Variants in BRINP3 observed in about 807,000 individuals in gnomAD.
The protein encoded by BRINP3 is BMP/retinoic acid inducible neural specific 3, also known as BMP/retinoic acid-inducible neural-specific protein 3.
A neutral mutation model predicts 71.0 loss-of-function variants in BRINP3; 19 were observed. The observed-to-expected ratio is 0.27, with a 90% CI of 0.19 to 0.39. BRINP3 has a LOEUF of 0.39. Ranked by LOEUF, BRINP3 falls within the 10% of genes least tolerant of loss-of-function variation. The pLI is 1.00. For synonymous variants in BRINP3, 380 were observed against 337.7 expected, an observed-to-expected ratio of 1.13 and a Z score of -1.37; for missense variants, 959 against 940.8, an observed-to-expected ratio of 1.02 and a Z score of -0.25.
chr1:190,298,897 G>A (rs1664456409), intron 2 of BRINP3, among the ~76,000 whole-genome samples: 1 of 152,066 alleles, frequency 6.6e-6, no homozygotes, highest in South Asian at 2.1e-4. Context: ...TGACGACAGA[G>A]GTGTTGAAAT....
At chr1:190,469,105 TA>T (rs1328794763) in intron 1 of BRINP3, among the ~76,000 whole-genome samples, 1 of 151,094 alleles carries the variant, frequency 6.6e-6, no homozygotes, top group African/African-American at 2.4e-5. Flanking sequence ...ACAAGTTGTT[TA>T]AAAAACTCTC....
At chr1:190,111,051 G>A (rs1313560703) in intron 7 of BRINP3, among the ~76,000 whole-genome samples, 1 of 151,592 alleles carries the variant, frequency 6.6e-6, no homozygotes. Context: ...GGTGTTGGGC[G>A]CCTGTAATCC....
intron 5 of BRINP3, 48 bp downstream of exon 5, chr1:190,234,324 A>G: frequency 1.4e-6 from 2 of 1,383,906 alleles, no homozygotes; most frequent in Non-Finnish European, 2.0e-6. Flanking sequence ...ACGACTGGAT[A>G]ATTGCTATTC....
intron 2 of BRINP3, among the ~76,000 whole-genome samples, chr1:190,348,701 G>C (rs761941569): frequency 1.1e-4 from 17 of 152,090 alleles, no homozygotes; most frequent in Non-Finnish European, 2.2e-4. Flanking sequence ...CACTGCACAG[G>C]TGTACTATTA....
At chr1:190,213,006 G>A (rs1195967190) in intron 6 of BRINP3, among the ~76,000 whole-genome samples, 2 of 152,002 alleles carry the variant, frequency 1.3e-5, no homozygotes, top group African/African-American at 4.8e-5. Flanking sequence ...AAACCCTACA[G>A]TTGTGGCATG....
chr1:190,447,982 C>A (rs1205289494), intron 2 of BRINP3, among the ~76,000 whole-genome samples: 1 of 151,540 alleles, frequency 6.6e-6, no homozygotes, highest in Non-Finnish European at 1.5e-5. Context: ...TACTTGTAGG[C>A]TTTTTAGTAT....
At chr1:190,398,126 G>A (rs568962032) in intron 2 of BRINP3, among the ~76,000 whole-genome samples, 44 of 151,952 alleles carry the variant, frequency 2.9e-4, no homozygotes, top group African/African-American at 1.0e-3. Context: ...TTTACTTTGT[G>A]ATTCATTATA....
chr1:190,353,887 TTC>T (rs1668562726), intron 2 of BRINP3, among the ~76,000 whole-genome samples: 1 of 152,024 alleles, frequency 6.6e-6, no homozygotes, highest in South Asian at 2.1e-4. Context: ...TCACCTTGCC[TTC>T]TCTGTTTTAT....
At chr1:190,124,117 A>G (rs542673928) in intron 7 of BRINP3, among the ~76,000 whole-genome samples, 1 of 152,322 alleles carries the variant, frequency 6.6e-6, no homozygotes, top group East Asian at 1.9e-4. Context: ...TTGGGAGATG[A>G]GATGATTAGA....
intron 2 of BRINP3, among the ~76,000 whole-genome samples, chr1:190,363,367 C>T (rs1244833239): frequency 3.9e-5 from 6 of 152,208 alleles, no homozygotes; most frequent in South Asian, 2.1e-4. Flanking sequence ...ACTCCTGACA[C>T]GCAGAAATAG....
At chr1:190,371,052 A>T (rs563520150) in intron 2 of BRINP3, among the ~76,000 whole-genome samples, 5 of 152,006 alleles carry the variant, frequency 3.3e-5, no homozygotes, top group Non-Finnish European at 7.4e-5. Context: ...ATTGAATTGA[A>T]TTCCTTATAT....
intron 2 of BRINP3, among the ~76,000 whole-genome samples, chr1:190,365,725 TTAAA>T (rs1448386650): frequency 6.9e-6 from 1 of 144,776 alleles, no homozygotes; most frequent in African/African-American, 2.5e-5. Context: ...TGCTATAATA[TTAAA>T]TGAATATTAT....
chr1:190,154,081 T>G (rs983604198), intron 7 of BRINP3: 1 of 964,196 alleles, frequency 1.0e-6, no homozygotes, highest in Non-Finnish European at 1.2e-6. Flanking sequence ...TTATGATTTT[T>G]AGTTCTAGTC....
At chr1:190,206,052 G>T (rs815336) in intron 6 of BRINP3, among the ~76,000 whole-genome samples, 88,519 of 151,774 alleles carry the variant, frequency 0.58, 26,432 homozygotes, top group African/African-American at 0.72. Context: ...TGCTTAGGTG[G>T]AAATCTTACC....
chr1:190,155,761 A>G (rs1011354342), intron 7 of BRINP3, among the ~76,000 whole-genome samples: 11 of 152,032 alleles, frequency 7.2e-5, no homozygotes, highest in African/African-American at 2.7e-4. Context: ...TTTTAAAAGT[A>G]TAGCACTTCC....
chr1:190,461,172 C>G (rs748461797), intron 1 of BRINP3, among the ~76,000 whole-genome samples: 5 of 152,300 alleles, frequency 3.3e-5, no homozygotes, highest in East Asian at 1.9e-4. Context: ...CCTTGCTTAA[C>G]TCTCTATCCA....
intron 7 of BRINP3, among the ~76,000 whole-genome samples, chr1:190,123,526 T>C (rs1362357587): frequency 6.6e-6 from 1 of 152,198 alleles, no homozygotes; most frequent in Non-Finnish European, 1.5e-5. Context: ...TTTCAATGTC[T>C]GTAAGTACTT....
At chr1:190,452,689 C>G (rs1367293364) in intron 2 of BRINP3, among the ~76,000 whole-genome samples, 1 of 152,154 alleles carries the variant, frequency 6.6e-6, no homozygotes, top group Admixed American at 6.5e-5. Flanking sequence ...AATCCCGTCT[C>G]TACCAACAAT....
chr1:190,426,661 C>A (rs1039088858), intron 2 of BRINP3, among the ~76,000 whole-genome samples: 3 of 151,696 alleles, frequency 2.0e-5, no homozygotes, highest in Non-Finnish European at 4.4e-5. Flanking sequence ...GTAGGGTTAT[C>A]AAATTATTAC....
Sources: gnomAD v4.1 joint callset for allele counts (sites outside exome capture counted in the v4.1 genomes callset) on GRCh38, gnomAD v4.1.1 for gene constraint, MANE v1.5 for transcripts, NCBI Gene and HGNC (gene_info 2026-07-23, HGNC 2026-07-21) for gene names.